Variants in ZNF536 observed in about 807,000 individuals in gnomAD.
ZNF536 encodes the protein zinc finger protein 536.
ZNF536 carries 13 observed loss-of-function variants against 84.5 expected under a neutral mutation model. That is an observed-to-expected ratio of 0.15 (90% CI 0.10 to 0.24). The LOEUF is 0.24. ZNF536 is among the 10% of genes least tolerant of loss of function. ZNF536 has a pLI of 1.00. For missense variants in ZNF536, 1,536 were observed against 1,747.5 expected, an observed-to-expected ratio of 0.88 and a Z score of 2.16; for synonymous variants, 811 against 742.5, an observed-to-expected ratio of 1.09 and a Z score of -1.50.
chr19:30,703,624 G>T (rs2052091541), intron 1 of ZNF536, among the ~76,000 whole-genome samples: 1 of 152,154 alleles, frequency 6.6e-6, no homozygotes, highest in Non-Finnish European at 1.5e-5. Flanking sequence ...GCTACCTGCG[G>T]CAGGAAGCAC....
At chr19:30,623,429 C>G (rs1009121707) in intron 1 of ZNF536, among the ~76,000 whole-genome samples, 1 of 152,220 alleles carries the variant, frequency 6.6e-6, no homozygotes, top group African/African-American at 2.4e-5. Context: ...CAGTGGCCAG[C>G]AATCCCCATG....
chr19:30,675,154 C>T (rs966987545), intron 1 of ZNF536, among the ~76,000 whole-genome samples: 2 of 152,144 alleles, frequency 1.3e-5, no homozygotes, highest in Admixed American at 6.5e-5. Context: ...ATCCGTTTGC[C>T]GCACCTCTAA....
At chr19:30,571,253 T>C (rs1210319754) in intron 1 of ZNF536, among the ~76,000 whole-genome samples, 1 of 152,178 alleles carries the variant, frequency 6.6e-6, no homozygotes, top group Non-Finnish European at 1.5e-5. Context: ...TCAAGCTGTG[T>C]CCCCAGTAGA....
chr19:30,267,866 ATG>A (rs143241147), intron 1 of ZNF536, among the ~76,000 whole-genome samples: 2,279 of 150,934 alleles, frequency 0.015, 55 homozygotes, highest in African/African-American at 0.052. Context: ...TTGAGTGTGT[ATG>A]TGTGTGTGTG....
chr19:30,433,019 C>T (rs1325656465), intron 1 of ZNF536, among the ~76,000 whole-genome samples: 2 of 152,130 alleles, frequency 1.3e-5, no homozygotes, highest in African/African-American at 4.8e-5. Flanking sequence ...GCTGTTTTGC[C>T]CAAATATGAA....
intron 1 of ZNF536, among the ~76,000 whole-genome samples, chr19:30,239,463 G>A (rs565585013): frequency 1.2e-4 from 18 of 152,266 alleles, no homozygotes; most frequent in African/African-American, 3.6e-4. Flanking sequence ...CTCTTGGCAC[G>A]TGGCCTGGAC....
chr19:30,352,579 T>C (rs547063088), intron 3 of ZNF536: 1 of 152,292 alleles, frequency 6.6e-6, no homozygotes, highest in Admixed American at 6.5e-5. Context: ...CTAAACCAAA[T>C]AGCTCCTCTG....
intron 1 of ZNF536, among the ~76,000 whole-genome samples, chr19:30,662,521 C>T (rs1178099713): frequency 6.6e-6 from 1 of 151,890 alleles, no homozygotes; most frequent in Non-Finnish European, 1.5e-5. Context: ...TTGTGGACTG[C>T]AGTCTCTCCC....
intron 2 of ZNF536, among the ~76,000 whole-genome samples, chr19:30,484,369 G>C (rs111922418): frequency 0.025 from 3,752 of 150,124 alleles, 82 homozygotes; most frequent in South Asian, 0.099. Flanking sequence ...TGGGATTACA[G>C]GCACCCACCG....
At chr19:30,695,454 T>C (rs1223988536) in intron 1 of ZNF536, among the ~76,000 whole-genome samples, 1 of 152,186 alleles carries the variant, frequency 6.6e-6, no homozygotes, top group East Asian at 1.9e-4. Flanking sequence ...AATTGTGTGG[T>C]GCCACAGATA....
chr19:30,600,863 G>C (rs1039796646), intron 1 of ZNF536, among the ~76,000 whole-genome samples: 1 of 152,234 alleles, frequency 6.6e-6, no homozygotes, highest in Admixed American at 6.5e-5. Flanking sequence ...GCCAAGCATC[G>C]AGTGTGGGCC....
At chr19:30,270,494 C>A (rs1230478274) in intron 1 of ZNF536, among the ~76,000 whole-genome samples, 1 of 152,166 alleles carries the variant, frequency 6.6e-6, no homozygotes, top group Non-Finnish European at 1.5e-5. Flanking sequence ...ATAGACACTG[C>A]CTGTCAAAAA....
chr19:30,421,786 CTT>C lies in ZNF536; in HGVS notation c.-2-21773_-2-21772del, dbSNP rs928879384. On this transcript the variant is annotated intron_variant, in intron 1 of 4. Coordinates refer to ENST00000355537, the MANE Select transcript of ZNF536 (RefSeq NM_014717.3). ...AAGCCCCTTCCAGCCCCCAGTGTGTCTTTAACACCTTCTACCTCTGCCAGCCT... is the reference window on the plus strand; with the variant it reads ...AAGCCCCTTCCAGCCCCCAGTGTGTCTAACACCTTCTACCTCTGCCAGCCT... Among the ~76,000 whole-genome samples, 350 of 152,350 alleles carry C rather than the reference CTT, an allele frequency of 2.3e-3. 2 individuals carry two copies. Among genetic ancestry groups the C allele is most frequent in the African/African-American group, 7.9e-3 (327 of 41,586 alleles).
rs959534239 is a variant in ZNF536 at position 30,366,881 on chromosome 19, G to T, written c.-3+14397G>T. On this transcript the variant is annotated intron_variant, in intron 3 of 5. Transcript: ENST00000585628. ...ACCAAGTGTTCAAACAGGGGGATCTGAAGCTGAGGGACTGAGGGCTGGCTG... is the reference window on the plus strand; with the variant it reads ...ACCAAGTGTTCAAACAGGGGGATCTTAAGCTGAGGGACTGAGGGCTGGCTG... 3.3e-5 allele frequency among the ~76,000 whole-genome samples: 5 copies of T among 152,338 alleles called. No homozygotes were observed. The East Asian group carries it at 9.7e-4, about 29-fold the overall frequency.
At chr19:30,669,168 G>T (rs569853648) in intron 1 of ZNF536, among the ~76,000 whole-genome samples, 15 of 152,366 alleles carry the variant, frequency 9.8e-5, no homozygotes, top group African/African-American at 3.6e-4. Context: ...GTGGGGCGAT[G>T]CACAGGCGGC....
At chr19:30,245,855 C>A (rs573902254) in intron 1 of ZNF536, among the ~76,000 whole-genome samples, 1 of 152,240 alleles carries the variant, frequency 6.6e-6, no homozygotes, top group Non-Finnish European at 1.5e-5. Flanking sequence ...AGGTTGGCCA[C>A]GCAGTCCCTG....
chr19:30,306,754 G>A (rs1437297407), intron 2 of ZNF536, among the ~76,000 whole-genome samples: 1 of 152,218 alleles, frequency 6.6e-6, no homozygotes, highest in Admixed American at 6.5e-5. Flanking sequence ...TCTGTATGCA[G>A]CTGTGTTTGC....
At chr19:30,686,784 C>A (rs1363179129) in intron 1 of ZNF536, among the ~76,000 whole-genome samples, 2 of 152,136 alleles carry the variant, frequency 1.3e-5, no homozygotes, top group African/African-American at 4.8e-5. Flanking sequence ...CCAGCCCTCC[C>A]CCCACTCCCC....
intron 1 of ZNF536, among the ~76,000 whole-genome samples, chr19:30,564,820 G>A (rs535535055): frequency 6.6e-6 from 1 of 152,360 alleles, no homozygotes; most frequent in Admixed American, 6.5e-5. Flanking sequence ...TTCACTGGGT[G>A]CAGATGGGAT....
Sources: allele counts gnomAD v4.1 joint callset (sites outside exome capture counted in the v4.1 genomes callset), GRCh38; gene constraint gnomAD v4.1.1; transcripts MANE v1.5; gene names NCBI Gene and HGNC (gene_info 2026-07-23, HGNC 2026-07-21).